Variants in KALRN observed in about 807,000 individuals in gnomAD.
The protein encoded by KALRN is kalirin.
In KALRN, 70 loss-of-function variants were observed where a neutral mutation model predicts 353.7. The ratio of observed to expected loss-of-function variants is 0.20; its 90% CI spans 0.16 to 0.24. The LOEUF (loss-of-function observed/expected upper bound fraction) is 0.24, where lower values mean the gene tolerates loss of function less well. Ranked by LOEUF, KALRN falls within the 10% of genes least tolerant of loss-of-function variation. The pLI, the probability that KALRN is intolerant of heterozygous loss-of-function variation, is 1.00. For synonymous variants in KALRN, 1,391 were observed against 1,434.8 expected (o/e 0.97, Z 0.69); for missense variants, 2,791 against 3,756.7 (o/e 0.74, Z 6.72).
At chr3:124,692,271 A>G (rs1329571302) in intron 51 of KALRN, among the ~76,000 whole-genome samples, 1 of 152,232 alleles carries the variant, frequency 6.6e-6, no homozygotes, top group Non-Finnish European at 1.5e-5. Flanking sequence ...GGGCATTGCA[A>G]TGGCCAGAGT....
At chr3:124,683,179 AG>A (rs1182739948) in intron 51 of KALRN, among the ~76,000 whole-genome samples, 1 of 152,226 alleles carries the variant, frequency 6.6e-6, no homozygotes, top group Non-Finnish European at 1.5e-5. Flanking sequence ...CCTTAGGAAC[AG>A]GTTAATAGTA....
At chr3:124,652,988 G>A (rs550983836) in intron 38 of KALRN, among the ~76,000 whole-genome samples, 63 of 152,260 alleles carry the variant, frequency 4.1e-4, no homozygotes, top group Non-Finnish European at 7.9e-4. Flanking sequence ...CCCACTTTAC[G>A]CATCTCTTCT....
intron 5 of KALRN, among the ~76,000 whole-genome samples, chr3:124,272,452 T>C (rs1560425531): frequency 6.6e-6 from 1 of 152,200 alleles, no homozygotes; most frequent in Non-Finnish European, 1.5e-5. Flanking sequence ...GTGATTTTTT[T>C]CCCTATCCAA....
intron 37 of KALRN, among the ~76,000 whole-genome samples, chr3:124,643,317 C>CA (rs1259817869): frequency 5.9e-5 from 9 of 151,894 alleles, no homozygotes; most frequent in Admixed American, 4.6e-4. Flanking sequence ...CCAGCCTCCA[C>CA]AAAATTTTTT....
chr3:124,209,601 A>G lies in KALRN; in HGVS notation c.74-18389A>G, dbSNP rs78391118. On this transcript the variant is annotated intron_variant, in intron 1 of 59. Transcript: ENST00000682506. The stretch of plus-strand genomic sequence containing the variant: ...CAGGCCTGAAGGAACTGTATCCTGA[A>G]ATGCTAAAGGAATTTGCCTATGTGG... Among the ~76,000 whole-genome samples, 12 of 152,254 alleles carry G rather than the reference A, an allele frequency of 7.9e-5. No individual in the cohort carries two copies. In the East Asian group the frequency reaches 2.3e-3, roughly 29 times the overall value.
intron 1 of KALRN, among the ~76,000 whole-genome samples, chr3:124,216,638 C>G (rs575846015): frequency 6.6e-6 from 1 of 152,290 alleles, no homozygotes; most frequent in East Asian, 1.9e-4. Flanking sequence ...AGTCTACCCT[C>G]CAGAATTCTG....
At chr3:124,366,780 G>A (rs555796961) in intron 10 of KALRN, among the ~76,000 whole-genome samples, 10 of 151,932 alleles carry the variant, frequency 6.6e-5, no homozygotes, top group African/African-American at 1.9e-4. Context: ...AGTAAGGGCC[G>A]CCGGGCAGAG....
intron 1 of KALRN, among the ~76,000 whole-genome samples, chr3:124,126,346 T>C (rs2064670938): frequency 6.6e-6 from 1 of 152,202 alleles, no homozygotes. Context: ...CCTCAACTGT[T>C]TTCTCAGCGA....
chr3:124,207,552 G>A (rs2076520876), intron 1 of KALRN, among the ~76,000 whole-genome samples: 1 of 152,150 alleles, frequency 6.6e-6, no homozygotes, highest in Admixed American at 6.5e-5. Flanking sequence ...AGGGTGACTT[G>A]GGAGCTAGAT....
At position 124,438,388 on chromosome 3, in the gene KALRN, T is replaced by C. The variant is rs1576934947; in HGVS notation, c.3049-500T>C. Among the ~76,000 whole-genome samples the C allele has an allele frequency of 3.3e-5, 5 of 152,192 alleles. No homozygotes were observed. In the Middle Eastern group the frequency reaches 0.014, roughly 414 times the overall value. The stretch of plus-strand genomic sequence containing the variant: ...TATGGTGGGATTTTTGAGACATTTT[T>C]CCCCAGGGGAGGAAAAAGATGACAT... On this transcript the variant is annotated intron_variant, in intron 17 of 59. Transcript: ENST00000682506.
chr3:124,666,402 C>T (rs1559805223), intron 45 of KALRN, 47 bp from the exon 46 acceptor site: 6 of 1,577,296 alleles, frequency 3.8e-6, no homozygotes, highest in South Asian at 2.2e-5. Context: ...GGCAGTGGCT[C>T]GCTCCCCATT....
intron 11 of KALRN, among the ~76,000 whole-genome samples, chr3:124,388,686 A>G (rs1179316693): frequency 1.3e-5 from 2 of 152,200 alleles, no homozygotes; most frequent in African/African-American, 4.8e-5. Context: ...TGTAAATAAG[A>G]GAGGCTGGGT....
At chr3:124,455,477 C>T (rs574272565) in intron 22 of KALRN, 118 bp downstream of exon 22, 1 of 1,033,348 alleles carries the variant, frequency 9.7e-7, no homozygotes, top group East Asian at 2.6e-5. Flanking sequence ...GCTATTGACT[C>T]CTAGAGCGCT....
At chr3:124,053,127 C>T (rs185194417) in intron 1 of KALRN, among the ~76,000 whole-genome samples, 2 of 152,230 alleles carry the variant, frequency 1.3e-5, no homozygotes, top group African/African-American at 4.8e-5. Context: ...GCCTCGACCT[C>T]TTGGGCTCAA....
intron 44 of KALRN, 98 bp from the exon 45 acceptor site, chr3:124,661,753 A>C: frequency 5.5e-6 from 5 of 905,274 alleles, no homozygotes; most frequent in Non-Finnish European, 9.3e-6. Flanking sequence ...TAAAGGAGCC[A>C]CCAGAGATGA....
chr3:124,482,473 C>T (rs1240766899), intron 27 of KALRN, among the ~76,000 whole-genome samples: 1 of 152,118 alleles, frequency 6.6e-6, no homozygotes, highest in Non-Finnish European at 1.5e-5. Context: ...ACTCCTACTT[C>T]ATCTCTCCTT....
intron 6 of KALRN, among the ~76,000 whole-genome samples, chr3:124,306,742 T>C (rs1243739956): frequency 6.6e-6 from 1 of 152,072 alleles, no homozygotes; most frequent in African/African-American, 2.4e-5. Flanking sequence ...ACCTTAAAAA[T>C]AGCAAGAGGA....
At position 124,384,886 on chromosome 3, in the gene KALRN, G is replaced by A; in HGVS notation, c.1812G>A (p.Glu604=). 1 of 1,612,728 alleles carries A rather than the reference G, an allele frequency of 6.2e-7. No individual in the cohort carries two copies. Among genetic ancestry groups the A allele is most frequent in the Non-Finnish European group, 8.5e-7 (1 of 1,179,242 alleles). ...CGGACAAGCTCCTAGAAGCAGCAGA[G>A]CAGTTGGCTCAGACGGGGGAATGTG... ...TNADKLLEAA[E]QLAQTGECDP... is the part of the protein sequence containing the mutation. The change falls in exon 11 of 60, where the codon GAG becomes GAA. Residue 604 remains glutamate, a synonymous_variant. Transcript: ENST00000682506.
chr3:124,077,627 C>T (rs1404221199), intron 1 of KALRN, among the ~76,000 whole-genome samples: 1 of 152,196 alleles, frequency 6.6e-6, no homozygotes. Flanking sequence ...GTTCTACCGC[C>T]ACTCTCCAGT....
Sources: allele counts gnomAD v4.1 joint callset (sites outside exome capture counted in the v4.1 genomes callset), GRCh38; gene constraint gnomAD v4.1.1; transcripts MANE v1.5; gene names NCBI Gene and HGNC (gene_info 2026-07-23, HGNC 2026-07-21).